Variants in ASMT observed in about 807,000 individuals in gnomAD.
The protein encoded by ASMT is acetylserotonin N-methyltransferase.
A neutral mutation model predicts 41.3 loss-of-function variants in ASMT; 53 were observed. That is an observed-to-expected ratio of 1.28 (90% CI 1.03 to 1.61). The LOEUF is 1.61. Ranked by LOEUF, ASMT falls within the 40% of genes most tolerant of loss-of-function variation. ASMT has a pLI of 0.00. For missense variants in ASMT, 531 were observed against 441.3 expected, an observed-to-expected ratio of 1.20 and a Z score of -1.82; for synonymous variants, 231 against 184.8, an observed-to-expected ratio of 1.25 and a Z score of -2.03.
In ASMT at chrX:1,623,156, C is replaced by A. The variant is rs199647924; in HGVS notation, c.87C>A (p.Cys29Ter). The A allele has an allele frequency of 1.9e-6, 3 of 1,612,546 alleles. No homozygotes were observed. The highest frequency in any genetic ancestry group is 1.1e-5 in the South Asian group (1 of 91,022). ...FMVSQVLFAA[C>*]ELGVFDLLAE... is the part of the protein sequence containing the mutation. ...GCTCCAAGGTTCTCTTCGCCGCCTG[C>A]GAGCTGGGCGTGTTTGACCTTCTCG... Residue 29 changes from cysteine (C) to a stop codon, truncating the protein, a stop_gained, in exon 2 of 9, where the codon TGC becomes TGA. Transcript: ENST00000381241. LOFTEE classifies it high-confidence loss of function.
intron 4 of ASMT, chrX:1,628,051 T>C: frequency 1.9e-6 from 1 of 520,566 alleles, no homozygotes; most frequent in Non-Finnish European, 3.4e-6. Context: ...CCGGGCGCGG[T>C]GGCTCACGCC....
At chrX:1,625,720 T>C (rs187763513) in intron 3 of ASMT, among the ~76,000 whole-genome samples, 2,711 of 151,284 alleles carry the variant, frequency 0.018, 88 homozygotes, top group African/African-American at 0.062. Context: ...TTTGGGAGGC[T>C]GAGGCGGGCG....
rs551761813 is a variant in ASMT at position 1,627,582 on chromosome X, T to C, written c.375-121T>C. 7.3e-5 allele frequency: 76 copies of C among 1,037,582 alleles called. 2 individuals carry two copies. Among genetic ancestry groups the C allele is most frequent in the South Asian group, 5.2e-4 (41 of 79,372 alleles). The allele number at this position is 1,037,582 out of a possible 1,614,324, so 64.3% of individuals were successfully genotyped here. A position where few individuals can be genotyped will look rare whatever the true frequency, so the allele number is the denominator to read the frequency against. On this transcript the variant is annotated intron_variant, in intron 3 of 8. Transcript: ENST00000381241. ...GTTGCAGTGAGCCGAGATCGTGCCATTGCACTCCAGCCTGGGCTACAGAGC... is the reference window on the plus strand; with the variant it reads ...GTTGCAGTGAGCCGAGATCGTGCCACTGCACTCCAGCCTGGGCTACAGAGC...
At chrX:1,632,882 G>A (rs1404480083) in intron 6 of ASMT, 95 bp downstream of exon 6, 3 of 555,518 alleles carry the variant, frequency 5.4e-6, no homozygotes, top group East Asian at 3.1e-5. Context: ...GCTGGGGGAG[G>A]GAGAGCACTA....
At chrX:1,636,303 T>C (rs1307207109) in intron 7 of ASMT, 135 bp from the exon 8 acceptor site, 8 of 1,301,316 alleles carry the variant, frequency 6.1e-6, no homozygotes, top group Admixed American at 1.7e-5. Flanking sequence ...TTTCTGAGGC[T>C]AGGTCTGCAG....
At chrX:1,624,493 T>C in intron 3 of ASMT, 95 bp downstream of exon 3, 1 of 1,455,642 alleles carries the variant, frequency 6.9e-7, no homozygotes, top group African/African-American at 1.6e-5. Context: ...TGCTGGGAGG[T>C]GGTGGCTGAC....
At chrX:1,624,532 GACCC>G (rs1934457740) in intron 3 of ASMT, 134 bp downstream of exon 3, 62 of 1,393,734 alleles carry the variant, frequency 4.4e-5, no homozygotes, top group East Asian at 2.1e-4. Flanking sequence ...GGTGGGGGCT[GACCC>G]CAGGCAGATG....
At chrX:1,627,984 T>G in intron 4 of ASMT, 1 of 628,686 alleles carries the variant, frequency 1.6e-6, no homozygotes, top group Non-Finnish European at 2.9e-6. Context: ...AACGTGACCC[T>G]TCCTTCGAAA....
chrX:1,630,289 A>G (rs7341942), intron 5 of ASMT, among the ~76,000 whole-genome samples: 18,699 of 105,416 alleles, frequency 0.18, 1,270 homozygotes, highest in Middle Eastern at 0.29. Context: ...ACCTGCCACC[A>G]CACCAGGCTA....
chrX:1,628,186 T>C (rs1934629283), intron 4 of ASMT, among the ~76,000 whole-genome samples: 1 of 152,140 alleles, frequency 6.6e-6, no homozygotes, highest in Non-Finnish European at 1.5e-5. Context: ...CCGGGCGTGG[T>C]GGCGGACGCC....
chrX:1,636,247 G>C (rs5989858), intron 7 of ASMT, 191 bp from the exon 8 acceptor site: 1 of 833,930 alleles, frequency 1.2e-6, no homozygotes, highest in Non-Finnish European at 2.0e-6. Context: ...GTGAGCCACC[G>C]CGCCCGACCT....
intron 1 of ASMT, among the ~76,000 whole-genome samples, chrX:1,616,833 C>A (rs1479185734): frequency 1.3e-5 from 2 of 151,346 alleles, no homozygotes; most frequent in Non-Finnish European, 3.0e-5. Context: ...CTCAGCCTCC[C>A]GAGTAGCTGG....
intron 8 of ASMT, among the ~76,000 whole-genome samples, chrX:1,641,345 C>A (rs745471663): frequency 9.1e-6 from 1 of 109,324 alleles, no homozygotes; most frequent in Non-Finnish European, 1.9e-5. Context: ...AGGATGTGGA[C>A]ACAGCCTCTG....
chrX:1,642,066 GCC>G (rs1176661631), intron 8 of ASMT, among the ~76,000 whole-genome samples: 3 of 146,006 alleles, frequency 2.1e-5, no homozygotes, highest in African/African-American at 7.6e-5. Flanking sequence ...CATCCTGATG[GCC>G]CATGAGGATG....
At chrX:1,634,994 A>ATCT (rs1934906174) in intron 7 of ASMT, among the ~76,000 whole-genome samples, 1 of 100,420 alleles carries the variant, frequency 1.0e-5, no homozygotes, top group Non-Finnish European at 1.9e-5. Context: ...TTTTTTTTTG[A>ATCT]GATGGAGTCT....
chrX:1,617,506 G>A (rs1346645991), intron 1 of ASMT, among the ~76,000 whole-genome samples: 1 of 152,080 alleles, frequency 6.6e-6, no homozygotes, highest in African/African-American at 2.4e-5. Flanking sequence ...CATCGTGAAA[G>A]GGGGTCGTGT....
At position 1,620,926 on chromosome X, in the gene ASMT, C is replaced by A. The variant is rs113633791; in HGVS notation, c.70-2213C>A. Among the ~76,000 whole-genome samples, 509 of 130,038 alleles carry A rather than the reference C, an allele frequency of 3.9e-3. 5 individuals are homozygous for A. Among genetic ancestry groups the A allele is most frequent in the African/African-American group, 0.017 (472 of 27,352 alleles). The allele number at this position is 130,038 out of a possible 152,430, so 85.3% of individuals were successfully genotyped here. ...TAATAATAATAAACAAATAAAGATA[C>A]CAAAAAAAAAATACAAAAATTTAGC... On this transcript the variant is annotated intron_variant, in intron 1 of 8. Transcript: ENST00000381241.
At chrX:1,633,474 C>T (rs1934851272) in intron 7 of ASMT, 184 bp downstream of exon 7, 2 of 196,016 alleles carry the variant, frequency 1.0e-5, no homozygotes, top group Admixed American at 6.6e-5. Flanking sequence ...AGTTTTCTTA[C>T]AATTATTATT....
chrX:1,628,716 C>T (rs117568732), intron 4 of ASMT, among the ~76,000 whole-genome samples: 3,946 of 150,444 alleles, frequency 0.026, 154 homozygotes, highest in African/African-American at 0.092. Flanking sequence ...TCCATCTTCC[C>T]CCTCCTCTCT....
Sources: allele counts gnomAD v4.1 joint callset (sites outside exome capture counted in the v4.1 genomes callset), GRCh38; gene constraint gnomAD v4.1.1; transcripts MANE v1.5; gene names NCBI Gene and HGNC (gene_info 2026-07-23, HGNC 2026-07-21).